The following PCBP3 variants were observed in gnomAD, a reference collection of about 807,000 sequenced individuals.
The protein encoded by PCBP3 is poly(rC) binding protein 3.
A neutral mutation model predicts 52.7 loss-of-function variants in PCBP3; 25 were observed. The ratio of observed to expected loss-of-function variants is 0.47; its 90% CI spans 0.35 to 0.66. The LOEUF is 0.66. Among genes scored for constraint, PCBP3 ranks in the 30% least tolerant of loss-of-function variants. The pLI, the probability that PCBP3 is intolerant of heterozygous loss-of-function variation, is 0.01. For synonymous variants in PCBP3, 162 were observed against 183.0 expected (o/e 0.89, Z 0.93); for missense variants, 391 against 490.3 (o/e 0.80, Z 1.91).
Position 45,904,819 on chromosome 21 carries a change from C to G in PCBP3, c.339+3706C>G, listed in dbSNP as rs755880843. ...GCCGTGTCTCACCCTCACACCATGT[C>G]ACGATTGTGCTGGTGACGGATACCT... On this transcript the variant is annotated intron_variant, in intron 9 of 17. Transcript: ENST00000681687. The surrounding 1 kb of genome is among the most constrained non-coding windows in gnomAD (Gnocchi z 4.8). Among the ~76,000 whole-genome samples, 2 of 152,180 alleles carry G rather than the reference C, an allele frequency of 1.3e-5. No individual in the cohort carries two copies. Among genetic ancestry groups the G allele is most frequent in the African/African-American group, 2.4e-5 (1 of 41,438 alleles).
chr21:45,885,481 C>T (rs1021126062), intron 5 of PCBP3, among the ~76,000 whole-genome samples: 4 of 152,156 alleles, frequency 2.6e-5, no homozygotes, highest in Admixed American at 1.3e-4. Context: ...GCCTTTATCC[C>T]CATCCCCTTT....
chr21:45,938,138 G>A, intron 16 of PCBP3, among the ~76,000 whole-genome samples: 1 of 152,210 alleles, frequency 6.6e-6, no homozygotes, highest in East Asian at 1.9e-4. Context: ...AAGAGAAGAG[G>A]GTAGGCCCTG....
At chr21:45,763,987 GCT>G (rs2088996346) in intron 4 of PCBP3, among the ~76,000 whole-genome samples, 1 of 152,106 alleles carries the variant, frequency 6.6e-6, no homozygotes, top group Admixed American at 6.5e-5. Flanking sequence ...GTCATACATG[GCT>G]TTTCCTGTTG....
chr21:45,925,907 C>G lies in PCBP3; in HGVS notation c.718-4010C>G, dbSNP rs116885894. Among the ~76,000 whole-genome samples, 479 of 152,316 alleles carry G rather than the reference C, an allele frequency of 3.1e-3. 2 individuals are homozygous for G. Among genetic ancestry groups the G allele is most frequent in the Non-Finnish European group, 5.1e-3 (345 of 68,028 alleles). On this transcript the variant is annotated intron_variant, in intron 13 of 17. Transcript: ENST00000681687. The stretch of plus-strand genomic sequence containing the variant: ...TTCCATGAGTGATAGGCCAAGTAGA[C>G]AAGTGTGAAGAAGGCATCAACAGAA...
Position 45,880,771 on chromosome 21 carries a change from A to C in PCBP3, c.11-15437A>C. On this transcript the variant is annotated intron_variant, in intron 5 of 17. Transcript: ENST00000681687. The surrounding 1 kb of genome is among the most constrained non-coding windows in gnomAD (Gnocchi z 5.4). The stretch of plus-strand genomic sequence containing the variant: ...TACCCTCCAGAAGAAGGTCCTGATA[A>C]GTGGGTGGGAGAACTCACCCTGTCC... Among the ~76,000 whole-genome samples the C allele has an allele frequency of 6.6e-6, 1 of 152,220 alleles. No homozygotes were observed. The highest frequency in any genetic ancestry group is 2.4e-5 in the African/African-American group (1 of 41,532).
chr21:45,822,065 A>C (rs1254453633), intron 4 of PCBP3, among the ~76,000 whole-genome samples: 1 of 152,126 alleles, frequency 6.6e-6, no homozygotes, highest in East Asian at 1.9e-4. Flanking sequence ...TTCCCTGCTC[A>C]CCCTGGGAAG....
chr21:45,844,588 G>A (rs543188832), intron 4 of PCBP3, among the ~76,000 whole-genome samples: 147 of 152,218 alleles, frequency 9.7e-4, no homozygotes, highest in Non-Finnish European at 2.9e-5. Context: ...GTGTGTTGGT[G>A]CTCCCTGCCA....
At chr21:45,927,037 T>C (rs1219157641) in intron 13 of PCBP3, among the ~76,000 whole-genome samples, 1 of 152,136 alleles carries the variant, frequency 6.6e-6, no homozygotes, top group African/African-American at 2.4e-5. Context: ...AACAGACATT[T>C]TGCTGGAGAT....
chr21:45,778,408 C>T (rs1169868270), intron 4 of PCBP3, among the ~76,000 whole-genome samples: 1 of 152,162 alleles, frequency 6.6e-6, no homozygotes, highest in African/African-American at 2.4e-5. Context: ...CTCCATGTGT[C>T]TTGCTTGGAT....
chr21:45,768,043 G>A (rs910589525), intron 4 of PCBP3, among the ~76,000 whole-genome samples: 4 of 152,278 alleles, frequency 2.6e-5, no homozygotes, highest in South Asian at 2.1e-4. Context: ...CATGGTGCCA[G>A]TGTCCTTGCT....
chr21:45,895,980 T>C (rs2095815097), intron 5 of PCBP3, among the ~76,000 whole-genome samples: 1 of 152,210 alleles, frequency 6.6e-6, no homozygotes, highest in African/African-American at 2.4e-5. Flanking sequence ...CTGCCCAGCG[T>C]CAGGAGGGAG....
At chr21:45,874,904 G>C (rs1435717255) in intron 5 of PCBP3, among the ~76,000 whole-genome samples, 1 of 152,154 alleles carries the variant, frequency 6.6e-6, no homozygotes, top group Non-Finnish European at 1.5e-5. Context: ...CACCAGCTCT[G>C]GAGTGGCCCT....
rs565270114 is a variant in PCBP3 at position 45,800,002 on chromosome 21, T to C, written c.-126+44550T>C. On this transcript the variant is annotated intron_variant, in intron 4 of 17. Transcript: ENST00000681687. This position sits in a 1 kb window ranked among gnomAD's most constrained non-coding sequence, Gnocchi z 5.3. ...TGGCTTGGACAGCTGTCGGGGAGGG[T>C]CCTCTCAGCTCCCGCGCCCTCTGCC... Among the ~76,000 whole-genome samples, 1 of 151,554 alleles carries C rather than the reference T, an allele frequency of 6.6e-6. No individual in the cohort carries two copies. The highest frequency in any genetic ancestry group is 1.9e-4 in the East Asian group (1 of 5,136).
chr21:45,719,342 A>G (rs2084455649), intron 2 of PCBP3, among the ~76,000 whole-genome samples: 1 of 152,128 alleles, frequency 6.6e-6, no homozygotes, highest in South Asian at 2.1e-4. Context: ...GAGTTAAAAG[A>G]AGACAACTGA....
At chr21:45,877,678 C>T (rs529305226) in intron 5 of PCBP3, among the ~76,000 whole-genome samples, 22 of 152,236 alleles carry the variant, frequency 1.4e-4, no homozygotes, top group Admixed American at 4.6e-4. Context: ...GATGGTGGCA[C>T]GCCTGTAGTC....
At chr21:45,924,196 C>A (rs1201608604) in intron 13 of PCBP3, among the ~76,000 whole-genome samples, 3 of 135,356 alleles carry the variant, frequency 2.2e-5, no homozygotes, top group East Asian at 2.1e-4. Context: ...AGAAACAGCA[C>A]ACGTAAGGTC....
At chr21:45,757,742 G>T (rs1265239453) in intron 4 of PCBP3, among the ~76,000 whole-genome samples, 1 of 152,074 alleles carries the variant, frequency 6.6e-6, no homozygotes, top group Admixed American at 6.6e-5. Context: ...TTTGCATGGG[G>T]ATATTCAGTT....
chr21:45,753,789 G>A (rs1020766247), intron 3 of PCBP3, among the ~76,000 whole-genome samples: 2 of 152,140 alleles, frequency 1.3e-5, no homozygotes, highest in East Asian at 3.8e-4. Context: ...GAGAATGAAG[G>A]AGTCTCACAG....
chr21:45,888,097 C>A (rs1189158130), intron 5 of PCBP3, among the ~76,000 whole-genome samples: 1 of 152,194 alleles, frequency 6.6e-6, no homozygotes, highest in Non-Finnish European at 1.5e-5. Flanking sequence ...GGTACCTGTC[C>A]TGGCCGTGTA....
Sources: allele counts gnomAD v4.1 joint callset (sites outside exome capture counted in the v4.1 genomes callset), GRCh38; gene constraint gnomAD v4.1.1; non-coding constraint Gnocchi (gnomAD v3.1); transcripts MANE v1.5; gene names NCBI Gene and HGNC (gene_info 2026-07-23, HGNC 2026-07-21).